HECTD3: variants seen among roughly 807,000 people sequenced by gnomAD.
HECTD3 encodes E3 ubiquitin-protein ligase HECTD3.
Under a neutral mutation model 109.3 loss-of-function variants are expected in HECTD3, and 72 were observed. The observed-to-expected ratio is 0.66, with a 90% CI of 0.54 to 0.80. The LOEUF (loss-of-function observed/expected upper bound fraction) is 0.80, where lower values mean the gene tolerates loss of function less well. Among genes scored for constraint, HECTD3 ranks in the 30% least tolerant of loss-of-function variants. The probability of loss-of-function intolerance (pLI) is 0.00; values close to 1 mark genes in which losing one functional copy is unlikely to be tolerated. For synonymous variants in HECTD3, 481 were observed against 471.8 expected (o/e 1.02, Z -0.25); for missense variants, 1,041 against 1,165.2 (o/e 0.89, Z 1.55).
chr1:45,007,761 CT>C (rs1344307178), intron 9 of HECTD3, among the ~76,000 whole-genome samples, 166 bp from the exon 10 acceptor site: 1 of 152,160 alleles, frequency 6.6e-6, no homozygotes, highest in East Asian at 1.9e-4. Context: ...CCAGGGAGAG[CT>C]TTCTAAAACA....
At position 45,007,583 on chromosome 1, in the gene HECTD3, A is replaced by G; in HGVS notation, c.1333T>C (p.Phe445Leu). 1.2e-6 allele frequency: 2 copies of G among 1,610,238 alleles called. No homozygotes were observed. The highest frequency in any genetic ancestry group is 1.7e-6 in the Non-Finnish European group (2 of 1,179,924). ...GGCCGCTGGCGGGACAGCAGTAGGA[A>G]CTGCTTCACTTGCTAGTGAGGAGAG... ...TFSEIKQVKQFLLLSRQRPGL... is the reference protein window; with the variant it reads ...TFSEIKQVKQLLLLSRQRPGL... The change falls in exon 10 of 21, where the codon TTC becomes CTC. Residue 445 changes from phenylalanine (F) to leucine (L), a missense_variant. By Grantham distance (22) the Phe-to-Leu change is conservative (BLOSUM62 0). Transcript: ENST00000372172.
chr1:45,003,931 G>A lies in HECTD3; in HGVS notation c.2353C>T (p.Arg785Trp), dbSNP rs1287789622. 11 of 1,613,258 alleles carry A rather than the reference G, an allele frequency of 6.8e-6. No homozygotes were observed. Among genetic ancestry groups the A allele is most frequent in the African/African-American group, 2.7e-5 (2 of 74,898 alleles). The change falls in exon 19 of 21, where the codon CGG becomes TGG. Residue 785 changes from arginine to tryptophan, a missense_variant. By Grantham distance (101) the Arg-to-Trp change is moderately radical. Transcript: ENST00000372172. The surrounding 1 kb of genome is among the most constrained non-coding windows in gnomAD (Gnocchi z 4.7). ...GTGACAAAGCGCAGGAAGCGGCTCC[G>A]GTCCTCTGGAGGGAGAAGGAAATCA... is the stretch of plus-strand genomic sequence containing the variant. ...EALNNFTNED[R>W]SRFLRFVTGR...
At chr1:45,009,513 T>C (rs1644765309) in intron 5 of HECTD3, 31 bp from the exon 6 acceptor site, 1 of 1,608,304 alleles carries the variant, frequency 6.2e-7, no homozygotes, top group Non-Finnish European at 8.5e-7. Flanking sequence ...TATGAGTCTT[T>C]GTGAACCCAC....
chr1:45,009,660 C>G lies in HECTD3; in HGVS notation c.783G>C (p.Leu261=). Residue 261 remains leucine, a synonymous_variant, in exon 5 of 21, where the codon CTG becomes CTC. Coordinates refer to ENST00000372172, the MANE Select transcript of HECTD3 (RefSeq NM_024602.6). Reference sequence around the variant, plus strand: ...AGTAGGTATCGGCATTGCTGTCTGTCAGGCAGGACACGTTGAACTCCTCCT... The same window carrying G: ...AGTAGGTATCGGCATTGCTGTCTGTGAGGCAGGACACGTTGAACTCCTCCT... ...SYTEEFNVSC[L]TDSNADTYWE... is the part of the protein sequence containing the mutation. 6.2e-7 allele frequency: 1 copy of G among 1,613,992 alleles called. No homozygotes were observed. Among genetic ancestry groups the G allele is most frequent in the Non-Finnish European group, 8.5e-7 (1 of 1,179,938 alleles).
At chr1:45,010,413 C>T (rs1644777949) in intron 2 of HECTD3, 120 bp from the exon 3 acceptor site, 4 of 1,455,442 alleles carry the variant, frequency 2.7e-6, no homozygotes, top group African/African-American at 1.4e-5. Flanking sequence ...GCCCCCTTCA[C>T]GTCCCGCCCC....
At position 45,007,446 on chromosome 1, in the gene HECTD3, T is replaced by C. The variant is rs764970660; in HGVS notation, c.1470A>G (p.Arg490=). 54 of 1,614,028 alleles carry C rather than the reference T, an allele frequency of 3.3e-5. No homozygotes were observed. The highest frequency in any genetic ancestry group is 4.6e-5 in the Non-Finnish European group (54 of 1,180,042). The part of the protein sequence containing the change: ...LAMEHRACPS[R]DPACKNAVFT... ...AGACTGCATTCTTGCAGGCAGGGTCTCGAGAGGGGCAGGCACGGTGTTCCA... is the reference window on the plus strand; with the variant it reads ...AGACTGCATTCTTGCAGGCAGGGTCCCGAGAGGGGCAGGCACGGTGTTCCA... Residue 490 remains arginine, a synonymous_variant, in exon 10 of 21, where the codon CGA becomes CGG. Transcript: ENST00000372172.
Position 45,006,918 on chromosome 1 carries a change from C to G in HECTD3, c.1621+33G>C. On this transcript the variant is annotated intron_variant, in intron 12 of 20. Coordinates refer to ENST00000372172, the MANE Select transcript of HECTD3 (RefSeq NM_024602.6). The surrounding 1 kb of genome is among the most constrained non-coding windows in gnomAD (Gnocchi z 4.7). ...TCTACCACTTTGATAGGGCAGCAAG[C>G]AGGACCCTTGAGATCCTCCCTCAGG... 2 of 1,608,408 alleles carry G rather than the reference C, an allele frequency of 1.2e-6. No individual in the cohort carries two copies. Among genetic ancestry groups the G allele is most frequent in the Non-Finnish European group, 1.7e-6 (2 of 1,174,836 alleles).
Position 45,004,666 on chromosome 1 carries a change from T to A in HECTD3, c.2076A>T (p.Gly692=). ...GGATGAAACGAGAACGGTCCCCATA[T>A]CCCACGACGATGCCTGCACCCCCAG... The part of the protein sequence containing the change: ...LIPGGAGIVV[G]YGDRSRFIQL... Residue 692 remains glycine (G), a synonymous_variant, in exon 16 of 21, where the codon GGA becomes GGT. Coordinates refer to ENST00000372172, the MANE Select transcript of HECTD3 (RefSeq NM_024602.6). The A allele has an allele frequency of 6.2e-7, 1 of 1,614,114 alleles. No homozygotes were observed. Among genetic ancestry groups the A allele is most frequent in the Non-Finnish European group, 8.5e-7 (1 of 1,180,018 alleles).
At position 45,010,645 on chromosome 1, in the gene HECTD3, C is replaced by A. The variant is rs1557731057; in HGVS notation, c.431G>T (p.Arg144Leu). 6.2e-7 allele frequency: 1 copy of A among 1,603,046 alleles called. No individual in the cohort carries two copies. The highest frequency in any genetic ancestry group is 8.5e-7 in the Non-Finnish European group (1 of 1,177,050). ...GLQEGWLLVC[R>L]PAEGGARLVP... ...CAGGCGGGCTCCGCCCTCCGCCGGG[C>A]GGCACACCAGCAGCCAGCCTTCCTG... Residue 144 changes from arginine (R) to leucine (L), a missense_variant, in exon 2 of 21, where the codon CGC becomes CTC. Physicochemically the swap from Arg to Leu is moderately radical, Grantham distance 102. This residue lies in a region of HECTD3 where 472 missense variants were observed against 449.9 expected (regional missense o/e 1.05). Coordinates refer to ENST00000372172, the MANE Select transcript of HECTD3 (RefSeq NM_024602.6).
In HECTD3 at chr1:45,007,562, G is replaced by A. The variant is rs761552216; in HGVS notation, c.1354C>T (p.Arg452Trp). The change falls in exon 10 of 21, where the codon CGG becomes TGG. Residue 452 changes from arginine to tryptophan, a missense_variant. By Grantham distance (101) the Arg-to-Trp change is moderately radical. Transcript: ENST00000372172. ...AGGCACTGAGCCACCAGGCCTGGCC[G>A]CTGGCGGGACAGCAGTAGGAACTGC... ...VKQFLLLSRQ[R>W]PGLVAQCLRD... 23 of 1,612,758 alleles carry A rather than the reference G, an allele frequency of 1.4e-5. No homozygotes were observed. In the South Asian group the frequency reaches 1.4e-4, roughly 10 times the overall value.
chr1:45,007,595 G>T lies in HECTD3; in HGVS notation c.1321C>A (p.Gln441Lys), dbSNP rs754515053. The T allele has an allele frequency of 1.2e-6, 2 of 1,607,606 alleles. No individual in the cohort carries two copies. Among genetic ancestry groups the T allele is most frequent in the Non-Finnish European group, 8.5e-7 (1 of 1,179,718 alleles). ...GACAGCAGTAGGAACTGCTTCACTT[G>T]CTAGTGAGGAGAGGTGGCCAGAGCA... ...HTLGTFSEIK[Q>K]VKQFLLLSRQ... The change falls in exon 10 of 21, where the codon CAA (glutamine) becomes AAA (lysine). Residue 441 changes from glutamine to lysine, a missense_variant and splice_region_variant. Around this residue, in one of 2 missense-constraint regions of HECTD3, gnomAD observed 569 missense variants for 715.3 expected, o/e 0.80. Transcript: ENST00000372172.
In HECTD3 at chr1:45,009,466, C is replaced by T. The variant is rs745991238; in HGVS notation, c.892G>A (p.Val298Met). Reference protein sequence around the residue: ...GTIVKKLLLTVDTTDDNFMPK... With the variant: ...GTIVKKLLLTMDTTDDNFMPK... ...ATAAAGTTGTCATCTGTGGTATCCA[C>T]TGTGAGTAGCAGCTTCCTGAAGGGT... Residue 298 changes from valine to methionine, a missense_variant, in exon 6 of 21, where the codon GTG becomes ATG. Physicochemically the swap from Val to Met is conservative, Grantham distance 21. Coordinates refer to ENST00000372172, the MANE Select transcript of HECTD3 (RefSeq NM_024602.6). 6.2e-7 allele frequency: 1 copy of T among 1,614,034 alleles called. No individual in the cohort carries two copies. Among genetic ancestry groups the T allele is most frequent in the Non-Finnish European group, 8.5e-7 (1 of 1,179,900 alleles).
Position 45,010,909 on chromosome 1 carries a change from G to A in HECTD3, c.349C>T (p.Leu117Phe). The A allele has an allele frequency of 6.5e-7, 1 of 1,544,014 alleles. No individual in the cohort carries two copies. The highest frequency in any genetic ancestry group is 8.6e-7 in the Non-Finnish European group (1 of 1,156,462). Residue 117 changes from leucine (L) to phenylalanine (F), a missense_variant, in exon 1 of 21, where the codon CTC becomes TTC. This residue lies in a region of HECTD3 where 472 missense variants were observed against 449.9 expected (regional missense o/e 1.05). Coordinates refer to ENST00000372172, the MANE Select transcript of HECTD3 (RefSeq NM_024602.6). Reference protein sequence around the residue: ...TGEELCNGHGLWVKLTKEQLA... With the variant: ...TGEELCNGHGFWVKLTKEQLA... ...CGCACCTTTGTCAGCTTCACCCAGAGCCCGTGGCCATTGCACAGCTCCTCG... is the reference window on the plus strand; with the variant it reads ...CGCACCTTTGTCAGCTTCACCCAGAACCCGTGGCCATTGCACAGCTCCTCG...
Position 45,007,220 on chromosome 1 carries a change from T to C in HECTD3, c.1555A>G (p.Arg519Gly). Residue 519 changes from arginine to glycine, a missense_variant and splice_region_variant, in exon 11 of 21, where the codon AGG becomes GGG. Coordinates refer to ENST00000372172, the MANE Select transcript of HECTD3 (RefSeq NM_024602.6). ...AAGTCCCTCACTCTCATGCCATACC[T>C]GTAGTCCAGGGGCTTTTCATATTTG... The part of the protein sequence containing the change: ...SDKYEKPLDY[R>G]WPMRYDQWWE... 6.2e-7 allele frequency: 1 copy of C among 1,612,700 alleles called. No homozygotes were observed. Among genetic ancestry groups the C allele is most frequent in the Non-Finnish European group, 8.5e-7 (1 of 1,179,146 alleles).
Position 45,003,201 on chromosome 1 carries a change from A to G in HECTD3, c.*291T>C. 2.3e-6 allele frequency: 1 copy of G among 429,152 alleles called. No homozygotes were observed. Among genetic ancestry groups the G allele is most frequent in the East Asian group, 4.0e-5 (1 of 25,286 alleles). The allele number at this position is 429,152 out of a possible 1,614,324, so 26.6% of individuals were successfully genotyped here. On this transcript the variant is annotated 3_prime_UTR_variant, in exon 21 of 21. Coordinates refer to ENST00000372172, the MANE Select transcript of HECTD3 (RefSeq NM_024602.6). The surrounding 1 kb of genome is among the most constrained non-coding windows in gnomAD (Gnocchi z 4.7). The stretch of plus-strand genomic sequence containing the variant: ...TTGGGGACCTAGATGGCCCCCTTCA[A>G]GTAGCTCAGGCCTGGCAGCTTGTGC...
chr1:45,010,376 G>A, intron 2 of HECTD3, 83 bp from the exon 3 acceptor site: 5 of 1,473,958 alleles, frequency 3.4e-6, no homozygotes, highest in Non-Finnish European at 4.7e-6. Context: ...GCCTTCTTCA[G>A]GGCTCTATCT....
At position 45,005,947 on chromosome 1, in the gene HECTD3, C is replaced by T; in HGVS notation, c.1845+50G>A. 3 of 1,607,586 alleles carry T rather than the reference C, an allele frequency of 1.9e-6. No homozygotes were observed. In the East Asian group the frequency reaches 6.7e-5, roughly 36 times the overall value. On this transcript the variant is annotated intron_variant, in intron 14 of 20. Transcript: ENST00000372172. ...GCTGCCCAGGTTTGGCTGGCCTTTC[C>T]TTCCAAGGGCCAGGGCTGATCGGAC... is the stretch of plus-strand genomic sequence containing the variant.
chr1:45,005,057 G>A, intron 15 of HECTD3: 3 of 568,002 alleles, frequency 5.3e-6, no homozygotes, highest in South Asian at 4.0e-5. Context: ...TGGGACATAA[G>A]GGAAGTTAGG....
At chr1:45,005,003 C>T (rs2148976318) in intron 15 of HECTD3, 197 bp from the exon 16 acceptor site, 2 of 612,176 alleles carry the variant, frequency 3.3e-6, no homozygotes, top group South Asian at 1.9e-5. Context: ...CCAGAGGAGG[C>T]ATCCTGTGGA....
Sources: gnomAD v4.1 joint callset for allele counts (sites outside exome capture counted in the v4.1 genomes callset) on GRCh38, gnomAD v4.1.1 for gene constraint, gnomAD v4.1.1 regional missense constraint, Gnocchi (gnomAD v3.1) non-coding constraint, MANE v1.5 for transcripts, NCBI Gene and HGNC (gene_info 2026-07-23, HGNC 2026-07-21) for gene names.